Variants in ZNF831 observed in about 807,000 individuals in gnomAD.
ZNF831 encodes the protein chromosome 20 open reading frame 174.
A neutral mutation model predicts 95.8 loss-of-function variants in ZNF831; 59 were observed. The ratio of observed to expected loss-of-function variants is 0.62; its 90% CI spans 0.50 to 0.77. The LOEUF (loss-of-function observed/expected upper bound fraction) is 0.77, where lower values mean the gene tolerates loss of function less well. Among genes scored for constraint, ZNF831 ranks in the 30% least tolerant of loss-of-function variants. ZNF831 has a pLI of 0.00. For synonymous variants in ZNF831, 961 were observed against 925.5 expected (o/e 1.04, Z -0.70); for missense variants, 2,205 against 2,164.0 (o/e 1.02, Z -0.38).
chr20:59,139,972 A>T (rs563284433), intron 1 of ZNF831, among the ~76,000 whole-genome samples: 19 of 152,342 alleles, frequency 1.2e-4, no homozygotes, highest in African/African-American at 4.6e-4. Context: ...ATTTTTATGT[A>T]TGCACAATAG....
chr20:59,231,255 G>A (rs1986706147), intron 4 of ZNF831, among the ~76,000 whole-genome samples: 1 of 152,208 alleles, frequency 6.6e-6, no homozygotes, highest in South Asian at 2.1e-4. Context: ...CTGGAAAATA[G>A]GTTCTTATTA....
intron 5 of ZNF831, 37 bp downstream of exon 5, chr20:59,253,175 C>T (rs1987989852): frequency 3.1e-6 from 5 of 1,610,754 alleles, no homozygotes; most frequent in Non-Finnish European, 4.2e-6. Context: ...CTACCTATTC[C>T]TGGTCTAGAT....
At position 59,208,809 on chromosome 20, in the gene ZNF831, C is replaced by T. The variant is rs1488987024; in HGVS notation, c.4027+1753C>T. On this transcript the variant is annotated intron_variant, in intron 4 of 5. Transcript: ENST00000371030. The surrounding 1 kb of genome is among the most constrained non-coding windows in gnomAD (Gnocchi z 4.2). Reference sequence around the variant, plus strand: ...ACGCTGGCAGAGAGCTGGTAGCCCCCGCTACCTGGGAGGTTCTGATGGTCA... The same window carrying T: ...ACGCTGGCAGAGAGCTGGTAGCCCCTGCTACCTGGGAGGTTCTGATGGTCA... 1.3e-5 allele frequency among the ~76,000 whole-genome samples: 2 copies of T among 152,144 alleles called. No homozygotes were observed. The highest frequency in any genetic ancestry group is 6.5e-5 in the Admixed American group (1 of 15,282).
rs757565800 is a variant in ZNF831, at chr20:59,193,180, G to A, written c.2161G>A (p.Asp721Asn). The change falls in exon 2 of 6, where the codon GAC (aspartate) becomes AAC (asparagine). Residue 721 changes from aspartate (D) to asparagine (N), a missense_variant. By Grantham distance (23) the Asp-to-Asn change is conservative. Transcript: ENST00000371030. Reference sequence around the variant, plus strand: ...GACGGTGGCCAGGAGAGGAGACAGTGACCGACCCAGGGTGGAAGAGGCTGT... The same window carrying A: ...GACGGTGGCCAGGAGAGGAGACAGTAACCGACCCAGGGTGGAAGAGGCTGT... ...GETVARRGDS[D>N]RPRVEEAVSS... 24 of 1,576,250 alleles carry A rather than the reference G, an allele frequency of 1.5e-5. No homozygotes were observed. The highest frequency in any genetic ancestry group is 2.1e-5 in the Non-Finnish European group (24 of 1,160,524).
intron 4 of ZNF831, among the ~76,000 whole-genome samples, chr20:59,221,452 A>G (rs259986): frequency 0.58 from 88,309 of 152,134 alleles, 28,916 homozygotes; most frequent in African/African-American, 0.89. Context: ...CTAGGTAAAT[A>G]GTTCACACTG....
At chr20:59,242,916 G>C (rs1247245320) in intron 4 of ZNF831, among the ~76,000 whole-genome samples, 10 of 152,154 alleles carry the variant, frequency 6.6e-5, no homozygotes, top group Admixed American at 6.5e-4. Flanking sequence ...CCCTGGTGGT[G>C]TGGAGATGGG....
intron 1 of ZNF831, among the ~76,000 whole-genome samples, chr20:59,168,684 C>T (rs1981487845): frequency 2.0e-5 from 3 of 151,956 alleles, no homozygotes; most frequent in Admixed American, 1.3e-4. Context: ...AGGGAGAAAA[C>T]ATTCAGTTTT....
At chr20:59,201,770 C>T (rs1333477112) in intron 3 of ZNF831, among the ~76,000 whole-genome samples, 2 of 152,154 alleles carry the variant, frequency 1.3e-5, no homozygotes, top group Admixed American at 6.5e-5. Flanking sequence ...GATTACGCCG[C>T]TTGACTCTGA....
At chr20:59,215,334 A>T (rs1181278661) in intron 4 of ZNF831, among the ~76,000 whole-genome samples, 1 of 152,316 alleles carries the variant, frequency 6.6e-6, no homozygotes, top group East Asian at 1.9e-4. Context: ...GACACATCTG[A>T]AGTCTTATTG....
chr20:59,241,746 A>T (rs1231137152), intron 4 of ZNF831, among the ~76,000 whole-genome samples: 3 of 152,210 alleles, frequency 2.0e-5, no homozygotes, highest in African/African-American at 7.2e-5. Flanking sequence ...AGGATTTTAT[A>T]TTACTGAAAT....
intron 1 of ZNF831, among the ~76,000 whole-genome samples, chr20:59,128,373 C>T (rs1460100830): frequency 6.6e-6 from 1 of 152,226 alleles, no homozygotes; most frequent in African/African-American, 2.4e-5. Context: ...TGCTGTCCCT[C>T]CCCAGTCATT....
At chr20:59,204,100 AG>A (rs1460052366) in intron 3 of ZNF831, among the ~76,000 whole-genome samples, 2 of 152,222 alleles carry the variant, frequency 1.3e-5, no homozygotes, top group African/African-American at 4.8e-5. Flanking sequence ...AGAAGATTGC[AG>A]GTTGTATGGG....
chr20:59,230,252 T>C (rs1331670606), intron 4 of ZNF831, among the ~76,000 whole-genome samples: 1 of 152,110 alleles, frequency 6.6e-6, no homozygotes, highest in Non-Finnish European at 1.5e-5. Flanking sequence ...TTCAATACCA[T>C]TGTGGGGAGA....
intron 4 of ZNF831, among the ~76,000 whole-genome samples, chr20:59,248,260 TAC>T (rs1157036023): frequency 2.0e-5 from 3 of 152,246 alleles, no homozygotes; most frequent in African/African-American, 4.8e-5. Flanking sequence ...AAGTGATTCA[TAC>T]AGTGTGATGC....
At chr20:59,230,589 T>C (rs993544901) in intron 4 of ZNF831, among the ~76,000 whole-genome samples, 1 of 152,254 alleles carries the variant, frequency 6.6e-6, no homozygotes, top group Admixed American at 6.5e-5. Flanking sequence ...TCAATAAAAC[T>C]TTATTTACAT....
At chr20:59,232,881 A>G (rs1431147591) in intron 4 of ZNF831, among the ~76,000 whole-genome samples, 1 of 152,148 alleles carries the variant, frequency 6.6e-6, no homozygotes, top group Non-Finnish European at 1.5e-5. Flanking sequence ...TTTTTGGAGC[A>G]CTACGTTTCA....
At chr20:59,154,017 C>T (rs1057400922) in intron 2 of ZNF831, among the ~76,000 whole-genome samples, 3 of 152,112 alleles carry the variant, frequency 2.0e-5, no homozygotes, top group Non-Finnish European at 4.4e-5. Flanking sequence ...GTGGGTTGGT[C>T]ATGCTTCACA....
chr20:59,212,002 G>A (rs1985370633), intron 4 of ZNF831, among the ~76,000 whole-genome samples: 2 of 151,804 alleles, frequency 1.3e-5, no homozygotes, highest in Admixed American at 6.6e-5. Flanking sequence ...CAATTTAAAG[G>A]CAGAGAAAAA....
intron 1 of ZNF831, among the ~76,000 whole-genome samples, chr20:59,168,941 G>A (rs562314775): frequency 3.3e-5 from 5 of 152,254 alleles, no homozygotes; most frequent in African/African-American, 1.2e-4. Context: ...TCTTATCACA[G>A]AATTCTATTT....
Sources: allele counts gnomAD v4.1 joint callset (sites outside exome capture counted in the v4.1 genomes callset), GRCh38; gene constraint gnomAD v4.1.1; non-coding constraint Gnocchi (gnomAD v3.1); transcripts MANE v1.5; gene names NCBI Gene and HGNC (gene_info 2026-07-23, HGNC 2026-07-21).